The following ARHGAP26 variants were observed in gnomAD, a reference collection of about 807,000 sequenced individuals.
The protein encoded by ARHGAP26 is Rho GTPase activating protein 26.
In ARHGAP26, 38 loss-of-function variants were observed where a neutral mutation model predicts 104.8. The observed-to-expected ratio is 0.36, with a 90% CI of 0.28 to 0.48. The LOEUF (loss-of-function observed/expected upper bound fraction) is 0.48, where lower values mean the gene tolerates loss of function less well. ARHGAP26 is among the 20% of genes least tolerant of loss of function. ARHGAP26 has a pLI of 0.99. For synonymous variants in ARHGAP26, 341 were observed against 340.0 expected (o/e 1.00, Z -0.03); for missense variants, 704 against 947.9 (o/e 0.74, Z 3.38).
chr5:142,772,171 G>A (rs1358410065), intron 1 of ARHGAP26, among the ~76,000 whole-genome samples: 1 of 152,224 alleles, frequency 6.6e-6, no homozygotes, highest in African/African-American at 2.4e-5. Flanking sequence ...CATTTTGTCA[G>A]CTTGTTGCTT....
intron 19 of ARHGAP26, among the ~76,000 whole-genome samples, chr5:143,143,469 T>G (rs1482403219): frequency 6.6e-6 from 1 of 152,178 alleles, no homozygotes; most frequent in Non-Finnish European, 1.5e-5. Flanking sequence ...CTTTTTTAGT[T>G]GCAGTGATTT....
chr5:142,894,203 C>T, intron 5 of ARHGAP26, 35 bp from the exon 6 acceptor site: 2 of 1,586,880 alleles, frequency 1.3e-6, no homozygotes, highest in Non-Finnish European at 1.7e-6. Flanking sequence ...TGGGTAGTGA[C>T]TTGATTTTTC....
Position 142,903,632 on chromosome 5 carries a change from C to T in ARHGAP26, c.795C>T (p.Pro265=). ...CCCTTGAGCACAAGACCATCAGTCCCTACACCATGGAGGGATACCTCTACG... is the reference window on the plus strand; with the variant it reads ...CCCTTGAGCACAAGACCATCAGTCCTTACACCATGGAGGGATACCTCTACG... The part of the protein sequence containing the change: ...ENPLEHKTIS[P]YTMEGYLYVQ... Residue 265 remains proline, a synonymous_variant, in exon 8 of 23, where the codon CCC becomes CCT. Coordinates refer to ENST00000645722, the MANE Select transcript of ARHGAP26 (RefSeq NM_001135608.3). 6.2e-7 allele frequency: 1 copy of T among 1,614,020 alleles called. No homozygotes were observed. Among genetic ancestry groups the T allele is most frequent in the South Asian group, 1.1e-5 (1 of 91,064 alleles).
At chr5:142,833,776 C>T (rs1768995878) in intron 1 of ARHGAP26, among the ~76,000 whole-genome samples, 1 of 152,200 alleles carries the variant, frequency 6.6e-6, no homozygotes. Context: ...GTGTAATCTA[C>T]CAAGAGAGGC....
chr5:143,021,645 TC>T (rs1389500958), intron 12 of ARHGAP26, among the ~76,000 whole-genome samples: 1 of 152,204 alleles, frequency 6.6e-6, no homozygotes, highest in Non-Finnish European at 1.5e-5. Flanking sequence ...CATTTCCTCT[TC>T]TGTAAAATGG....
At chr5:142,805,612 A>G (rs1244263844) in intron 1 of ARHGAP26, among the ~76,000 whole-genome samples, 1 of 152,100 alleles carries the variant, frequency 6.6e-6, no homozygotes, top group East Asian at 1.9e-4. Flanking sequence ...AGAGCGAAAA[A>G]TGAGTTTATA....
At chr5:142,875,031 A>T in intron 2 of ARHGAP26, 79 bp from the exon 3 acceptor site, 1 of 1,214,240 alleles carries the variant, frequency 8.2e-7, no homozygotes, top group South Asian at 1.2e-5. Context: ...TAAAATCCAT[A>T]ACATAATAGC....
At chr5:143,027,173 G>A (rs146037782) in intron 12 of ARHGAP26, among the ~76,000 whole-genome samples, 11 of 111,978 alleles carry the variant, frequency 9.8e-5, no homozygotes, top group Admixed American at 2.6e-4. Flanking sequence ...ATGATTTTTT[G>A]TGTTTTTTTT....
At chr5:142,928,522 G>A (rs921950186) in intron 10 of ARHGAP26, among the ~76,000 whole-genome samples, 7 of 152,128 alleles carry the variant, frequency 4.6e-5, no homozygotes, top group Admixed American at 1.3e-4. Flanking sequence ...CAGAGGACTT[G>A]GGTGGTCAAC....
rs1262118222 is a variant in ARHGAP26, at chr5:142,903,636, A to C, written c.799A>C (p.Thr267Pro). 1 of 1,614,038 alleles carries C rather than the reference A, an allele frequency of 6.2e-7. No homozygotes were observed. ...TGAGCACAAGACCATCAGTCCCTAC[A>C]CCATGGAGGGATACCTCTACGTGCA... ...PLEHKTISPY[T>P]MEGYLYVQEK... The change falls in exon 8 of 23, where the codon ACC becomes CCC. Residue 267 changes from threonine (T) to proline (P), a missense_variant. This residue lies in a region of ARHGAP26 where 287 missense variants were observed against 438.8 expected (regional missense o/e 0.65). Coordinates refer to ENST00000645722, the MANE Select transcript of ARHGAP26 (RefSeq NM_001135608.3).
At chr5:142,891,777 A>G (rs1758699342) in intron 5 of ARHGAP26, among the ~76,000 whole-genome samples, 1 of 151,990 alleles carries the variant, frequency 6.6e-6, no homozygotes, top group South Asian at 2.1e-4. Flanking sequence ...TAAGGAAAAC[A>G]GTGTTTTGTT....
At chr5:142,816,536 G>A (rs113917981) in intron 1 of ARHGAP26, among the ~76,000 whole-genome samples, 6,133 of 152,220 alleles carry the variant, frequency 0.04, 413 homozygotes, top group African/African-American at 0.14. Flanking sequence ...TGCCATGTGC[G>A]CCCTGGGCCT....
chr5:143,188,852 C>CTG (rs1194900512), intron 20 of ARHGAP26, among the ~76,000 whole-genome samples: 3 of 152,198 alleles, frequency 2.0e-5, no homozygotes, highest in Non-Finnish European at 4.4e-5. Flanking sequence ...GGTGTAATAA[C>CTG]TGTAGTATCA....
At chr5:142,994,312 A>T (rs1445352658) in intron 11 of ARHGAP26, among the ~76,000 whole-genome samples, 1 of 152,226 alleles carries the variant, frequency 6.6e-6, no homozygotes, top group Non-Finnish European at 1.5e-5. Context: ...CATGGGACAG[A>T]TGAGGAAACA....
intron 19 of ARHGAP26, among the ~76,000 whole-genome samples, chr5:143,136,756 T>A (rs915106700): frequency 6.6e-6 from 1 of 152,106 alleles, no homozygotes; most frequent in Non-Finnish European, 1.5e-5. Flanking sequence ...CACTGTGAAG[T>A]TTTCACACAC....
At chr5:143,124,746 C>T (rs575493666) in intron 18 of ARHGAP26, among the ~76,000 whole-genome samples, 1 of 152,218 alleles carries the variant, frequency 6.6e-6, no homozygotes, top group African/African-American at 2.4e-5. Context: ...AGATTCAAGG[C>T]AGGGGGAGCT....
intron 11 of ARHGAP26, among the ~76,000 whole-genome samples, chr5:142,985,337 A>AAATAACTTTAGTGTAGCCAT (rs1373932416): frequency 5.3e-5 from 8 of 152,212 alleles, no homozygotes; most frequent in Admixed American, 2.0e-4. Context: ...AGAACACTTT[A>AAATAACTTTAGTGTAGCCAT]AATAACTTTA....
intron 17 of ARHGAP26, among the ~76,000 whole-genome samples, chr5:143,092,945 CG>C (rs1226930647): frequency 1.3e-5 from 2 of 152,210 alleles, no homozygotes; most frequent in Non-Finnish European, 2.9e-5. Flanking sequence ...CCTCAATCAC[CG>C]GGGAGGAACC....
intron 11 of ARHGAP26, among the ~76,000 whole-genome samples, chr5:142,936,306 C>A (rs1036312827): frequency 2.0e-5 from 3 of 152,056 alleles, no homozygotes; most frequent in African/African-American, 7.2e-5. Context: ...AATGAAGTGA[C>A]TAGGTATAAA....
Sources: gnomAD v4.1 joint callset for allele counts (sites outside exome capture counted in the v4.1 genomes callset) on GRCh38, gnomAD v4.1.1 for gene constraint, gnomAD v4.1.1 regional missense constraint, MANE v1.5 for transcripts, NCBI Gene and HGNC (gene_info 2026-07-23, HGNC 2026-07-21) for gene names.